Variants in BMPR2 observed in about 807,000 individuals in gnomAD.
BMPR2 encodes bone morphogenetic protein receptor type-2.
A neutral mutation model predicts 100.8 loss-of-function variants in BMPR2; 29 were observed. The ratio of observed to expected loss-of-function variants is 0.29; its 90% CI spans 0.21 to 0.39. The LOEUF (loss-of-function observed/expected upper bound fraction) is 0.39, where lower values mean the gene tolerates loss of function less well. Among genes scored for constraint, BMPR2 ranks in the 10% least tolerant of loss-of-function variants. The pLI, the probability that BMPR2 is intolerant of heterozygous loss-of-function variation, is 1.00. For synonymous variants in BMPR2, 382 were observed against 442.3 expected (o/e 0.86, Z 1.71); for missense variants, 1,011 against 1,274.5 (o/e 0.79, Z 3.15).
rs751683633 is a variant in BMPR2 at position 202,514,999 on chromosome 2, A to G, written c.621+20A>G. 1.2e-6 allele frequency: 2 copies of G among 1,602,226 alleles called. No homozygotes were observed. The highest frequency in any genetic ancestry group is 1.7e-6 in the Non-Finnish European group (2 of 1,169,212). On this transcript the variant is annotated intron_variant, in intron 5 of 12. Transcript: ENST00000374580. Reference sequence around the variant, plus strand: ...TTGGAGGTAAGTTTGCCGTTAGATTATGGACTGTTGTTTCTACTGTGATAC... The same window carrying G: ...TTGGAGGTAAGTTTGCCGTTAGATTGTGGACTGTTGTTTCTACTGTGATAC...
At chr2:202,436,464 C>G (rs924394170) in intron 1 of BMPR2, among the ~76,000 whole-genome samples, 2 of 150,286 alleles carry the variant, frequency 1.3e-5, no homozygotes, top group Non-Finnish European at 2.9e-5. Flanking sequence ...AAAACAACAA[C>G]AGCAGCAACA....
chr2:202,436,571 A>C (rs1691620016), intron 1 of BMPR2, among the ~76,000 whole-genome samples: 1 of 150,750 alleles, frequency 6.6e-6, no homozygotes, highest in Non-Finnish European at 1.5e-5. Context: ...AAATTGAAAC[A>C]ATGCATGGCC....
rs1688676526 is a variant in BMPR2 at position 202,561,361 on chromosome 2, T to A, written c.*1415T>A. Reference sequence around the variant, plus strand: ...TTTATTATTTACATTAGAGTATACCTTTTAGTAATAAAATGACTTGAAATC... The same window carrying A: ...TTTATTATTTACATTAGAGTATACCATTTAGTAATAAAATGACTTGAAATC... On this transcript the variant is annotated 3_prime_UTR_variant, in exon 13 of 13. Transcript: ENST00000374580. 1 of 152,164 alleles carries A rather than the reference T, an allele frequency of 6.6e-6. No homozygotes were observed. The highest frequency in any genetic ancestry group is 2.4e-5 in the African/African-American group (1 of 41,470). The allele number at this position is 152,164 out of a possible 1,614,324, so 9.4% of individuals were successfully genotyped here. A position where few individuals can be genotyped will look rare whatever the true frequency, so the allele number is the denominator to read the frequency against.
intron 1 of BMPR2, among the ~76,000 whole-genome samples, chr2:202,428,543 T>C (rs1691439610): frequency 6.6e-6 from 1 of 151,606 alleles, no homozygotes; most frequent in South Asian, 2.1e-4. Context: ...GGACCACAGG[T>C]GCATGCCACC....
Position 202,438,473 on chromosome 2 carries a change from TTCTA to T in BMPR2, c.77-26330_77-26327del, listed in dbSNP as rs1425209848. Among the ~76,000 whole-genome samples, 4 of 150,582 alleles carry T rather than the reference TTCTA, an allele frequency of 2.7e-5. 1 individual carries two copies. Among genetic ancestry groups the T allele is most frequent in the African/African-American group, 7.5e-5 (3 of 39,890 alleles). On this transcript the variant is annotated intron_variant, in intron 1 of 12. Coordinates refer to ENST00000374580, the MANE Select transcript of BMPR2 (RefSeq NM_001204.7). ...ACAGAAGTTTTAAATTTTGTTGACA[TTCTA>T]TCTATTTTTCCTTTTGTTGTGCTTT... is the stretch of plus-strand genomic sequence containing the variant.
intron 7 of BMPR2, among the ~76,000 whole-genome samples, chr2:202,524,239 G>A (rs1687868104): frequency 6.6e-6 from 1 of 151,880 alleles, no homozygotes; most frequent in African/African-American, 2.4e-5. Context: ...GTGGGCGCCT[G>A]TAGTCCCAGC....
chr2:202,452,816 G>T (rs2105948993), intron 1 of BMPR2, among the ~76,000 whole-genome samples: 1 of 152,304 alleles, frequency 6.6e-6, no homozygotes. Context: ...ACATTTACAA[G>T]TAGTAAGAAT....
chr2:202,550,374 CAAAAAAAA>C (rs71035016), intron 10 of BMPR2, among the ~76,000 whole-genome samples: 1 of 94,278 alleles, frequency 1.1e-5, no homozygotes, highest in African/African-American at 3.9e-5. Flanking sequence ...CTCCTATCTC[CAAAAAAAA>C]AAAAAAAAAA....
intron 4 of BMPR2, among the ~76,000 whole-genome samples, chr2:202,514,613 A>G (rs1304774098): frequency 2.0e-5 from 3 of 152,204 alleles, no homozygotes; most frequent in Non-Finnish European, 4.4e-5. Context: ...AATCTTCTTT[A>G]AAGTTTTTAT....
chr2:202,467,829 T>A, intron 3 of BMPR2, 140 bp downstream of exon 3: 1 of 847,330 alleles, frequency 1.2e-6, no homozygotes, highest in Admixed American at 2.1e-5. Context: ...GAGGCCGAGG[T>A]GGATGGATCA....
chr2:202,532,195 C>A lies in BMPR2; in HGVS notation c.1129-390C>A, dbSNP rs1057473080. ...TGACCTTGAGATCCACCCGCCTTGG[C>A]CTCCCAAAGTGCTAGGATTACAGGC... On this transcript the variant is annotated intron_variant, in intron 8 of 12. Coordinates refer to ENST00000374580, the MANE Select transcript of BMPR2 (RefSeq NM_001204.7). The surrounding 1 kb of genome is among the most constrained non-coding windows in gnomAD (Gnocchi z 4.1). Among the ~76,000 whole-genome samples, 1 of 151,960 alleles carries A rather than the reference C, an allele frequency of 6.6e-6. No homozygotes were observed. Among genetic ancestry groups the A allele is most frequent in the African/African-American group, 2.4e-5 (1 of 41,338 alleles).
intron 3 of BMPR2, among the ~76,000 whole-genome samples, chr2:202,469,327 C>A (rs905418900): frequency 6.6e-6 from 1 of 152,060 alleles, no homozygotes; most frequent in Non-Finnish European, 1.5e-5. Flanking sequence ...CGTACTCGGC[C>A]TGAGTGTAGC....
chr2:202,542,109 TAA>T (rs767970972), intron 9 of BMPR2, among the ~76,000 whole-genome samples, 200 bp from the exon 10 acceptor site: 6 of 129,178 alleles, frequency 4.6e-5, no homozygotes, highest in African/African-American at 8.7e-5. Flanking sequence ...AGACTCCGTC[TAA>T]AAAAAAAAAA....
rs1264549750 is a variant in BMPR2, at chr2:202,448,921, A to AT, written c.77-15886dup. Among the ~76,000 whole-genome samples the AT allele has an allele frequency of 4.8e-4, 62 of 129,318 alleles. No individual in the cohort carries two copies. The Admixed American group carries it at 5.1e-3, about 11-fold the overall frequency. 84.8% of individuals were successfully genotyped at this position (129,318 alleles called of 152,430 possible). On this transcript the variant is annotated intron_variant, in intron 1 of 12. Transcript: ENST00000374580. ...GCTTGGATTATTTTGTCAGTTTAGA[A>AT]TTGGTGTGTGTGTGTGTGTGTGTGT...
Position 202,513,727 on chromosome 2 carries a change from C to G in BMPR2, c.427C>G (p.His143Asp), listed in dbSNP as rs1687663192. The G allele has an allele frequency of 6.2e-7, 1 of 1,612,564 alleles. No homozygotes were observed. The highest frequency in any genetic ancestry group is 8.5e-7 in the Non-Finnish European group (1 of 1,179,110). Residue 143 changes from histidine (H) to aspartate (D), a missense_variant, in exon 4 of 13, where the codon CAT becomes GAT. By Grantham distance (81) the His-to-Asp change is moderately conservative (BLOSUM62 -1). Around this residue, in one of 6 missense-constraint regions of BMPR2, gnomAD observed 355 missense variants for 455.3 expected, o/e 0.78. Transcript: ENST00000374580. Reference sequence around the variant, plus strand: ...AATTTGTTTTCTTTTAGGTCCACCTCATTCATTTAACCGAGATGAGACAAT... The same window carrying G: ...AATTTGTTTTCTTTTAGGTCCACCTGATTCATTTAACCGAGATGAGACAAT... ...PPDTTPLSPP[H>D]SFNRDETIII...
At chr2:202,444,814 G>GT (rs769623759) in intron 1 of BMPR2, among the ~76,000 whole-genome samples, 5 of 150,702 alleles carry the variant, frequency 3.3e-5, no homozygotes, top group Admixed American at 1.3e-4. Flanking sequence ...TTGAGATGGA[G>GT]TTTCACCCTT....
chr2:202,493,337 T>A (rs1317365701), intron 3 of BMPR2, among the ~76,000 whole-genome samples: 1 of 152,148 alleles, frequency 6.6e-6, no homozygotes, highest in Non-Finnish European at 1.5e-5. Flanking sequence ...CAGACTCTGT[T>A]CTATCATATC....
At chr2:202,422,945 T>G (rs1691299318) in intron 1 of BMPR2, among the ~76,000 whole-genome samples, 1 of 152,224 alleles carries the variant, frequency 6.6e-6, no homozygotes. Context: ...CCCAAAGTGC[T>G]GGGATTACAG....
intron 1 of BMPR2, among the ~76,000 whole-genome samples, chr2:202,397,085 C>A (rs1275985030): frequency 1.3e-5 from 2 of 152,160 alleles, no homozygotes; most frequent in Admixed American, 1.3e-4. Flanking sequence ...GCATGAGCCA[C>A]CGTGCCCAGC....
Sources: gnomAD v4.1 joint callset for allele counts (sites outside exome capture counted in the v4.1 genomes callset) on GRCh38, gnomAD v4.1.1 for gene constraint, gnomAD v4.1.1 regional missense constraint, Gnocchi (gnomAD v3.1) non-coding constraint, MANE v1.5 for transcripts, NCBI Gene and HGNC (gene_info 2026-07-23, HGNC 2026-07-21) for gene names.